The following GNB4 variants were observed in gnomAD, a reference collection of about 807,000 sequenced individuals.
GNB4 encodes the protein G protein subunit beta 4.
Under a neutral mutation model 45.2 loss-of-function variants are expected in GNB4, and 28 were observed. That is an observed-to-expected ratio of 0.62 (90% confidence interval 0.46 to 0.85). The LOEUF is 0.85. GNB4 is among the 40% of genes least tolerant of loss of function. GNB4 has a pLI of 0.00. For missense variants in GNB4, 321 were observed against 425.4 expected, an observed-to-expected ratio of 0.75 and a Z score of 2.16; for synonymous variants, 132 against 143.7, an observed-to-expected ratio of 0.92 and a Z score of 0.58.
At chr3:179,491,739 C>G in the GNB4 span, among the ~76,000 whole-genome samples, 1 of 152,130 alleles carries the variant, frequency 6.6e-6, no homozygotes, top group East Asian at 1.9e-4. Context: ...AAGATTTTAC[C>G]AAGCTATTTT....
At chr3:179,418,322 T>C (rs573205698) in intron 4 of GNB4, among the ~76,000 whole-genome samples, 1 of 151,624 alleles carries the variant, frequency 6.6e-6, no homozygotes, top group South Asian at 2.1e-4. Flanking sequence ...ATACAAAAAT[T>C]AGTCAGGCGT....
chr3:179,492,181 C>T, the GNB4 span, among the ~76,000 whole-genome samples: 1 of 152,204 alleles, frequency 6.6e-6, no homozygotes, highest in African/African-American at 2.4e-5. Context: ...CAAGAAAACT[C>T]TAGCAGCCCT....
chr3:179,517,677 C>T, the GNB4 span, among the ~76,000 whole-genome samples: 1 of 115,256 alleles, frequency 8.7e-6, no homozygotes, highest in Non-Finnish European at 1.8e-5. Flanking sequence ...TGCTATCCCT[C>T]AACCTCTTTC....
At chr3:179,504,809 T>C in the GNB4 span, among the ~76,000 whole-genome samples, 1 of 152,130 alleles carries the variant, frequency 6.6e-6, no homozygotes, top group East Asian at 1.9e-4. Context: ...TCTTAAGGCA[T>C]CTTCATTCTA....
intron 6 of GNB4, among the ~76,000 whole-genome samples, chr3:179,414,592 T>A (rs1354122672): frequency 6.6e-6 from 1 of 152,242 alleles, no homozygotes; most frequent in African/African-American, 2.4e-5. Context: ...AATTGTTATA[T>A]GGCAGCAGAA....
At chr3:179,476,941 T>C in the GNB4 span, among the ~76,000 whole-genome samples, 2 of 152,300 alleles carry the variant, frequency 1.3e-5, no homozygotes, top group Non-Finnish European at 2.9e-5. Flanking sequence ...CTTAAGTCTT[T>C]TCTACTCCCT....
At chr3:179,526,464 C>T in the GNB4 span, among the ~76,000 whole-genome samples, 1 of 152,186 alleles carries the variant, frequency 6.6e-6, no homozygotes, top group Non-Finnish European at 1.5e-5. Context: ...ACATACTGCA[C>T]TTCAATTTGC....
the GNB4 span, among the ~76,000 whole-genome samples, chr3:179,520,771 C>T: frequency 6.6e-6 from 1 of 152,138 alleles, no homozygotes; most frequent in African/African-American, 2.4e-5. Flanking sequence ...CTCTCTGATC[C>T]ACCTGACATT....
chr3:179,412,996 A>G (rs1297681877), intron 8 of GNB4, among the ~76,000 whole-genome samples: 2 of 152,168 alleles, frequency 1.3e-5, no homozygotes, highest in Admixed American at 6.5e-5. Context: ...CCTGGACAAC[A>G]TGGCAAAACC....
chr3:179,436,247 A>C (rs888830332), intron 1 of GNB4, among the ~76,000 whole-genome samples: 14 of 152,070 alleles, frequency 9.2e-5, no homozygotes, highest in African/African-American at 3.4e-4. Flanking sequence ...AAAAATACAA[A>C]ATTAGCCAGG....
chr3:179,405,077 C>T (rs1714423334), intron 9 of GNB4, 113 bp downstream of exon 9: 3 of 665,776 alleles, frequency 4.5e-6, no homozygotes, highest in South Asian at 4.4e-5. Flanking sequence ...TGAGAACCAT[C>T]GGGTTACCAC....
At chr3:179,445,981 T>G (rs545746471) in intron 1 of GNB4, among the ~76,000 whole-genome samples, 2 of 152,368 alleles carry the variant, frequency 1.3e-5, no homozygotes, top group East Asian at 3.9e-4. Flanking sequence ...TTATATTATT[T>G]CAGCAAGTCA....
chr3:179,486,137 G>A, the GNB4 span, among the ~76,000 whole-genome samples: 1 of 148,324 alleles, frequency 6.7e-6, no homozygotes, highest in East Asian at 2.0e-4. Context: ...GCAGAGAACT[G>A]CTTGACGTGG....
the GNB4 span, among the ~76,000 whole-genome samples, chr3:179,499,347 G>A: frequency 6.6e-6 from 1 of 151,992 alleles, no homozygotes; most frequent in African/African-American, 2.4e-5. Flanking sequence ...TTTTAGTAGA[G>A]ACAGGGTTTC....
chr3:179,473,100 T>A, the GNB4 span, among the ~76,000 whole-genome samples: 1 of 151,996 alleles, frequency 6.6e-6, no homozygotes, highest in African/African-American at 2.4e-5. Flanking sequence ...GAGGTGGAGG[T>A]TGCAGTGAGC....
At chr3:179,457,077 A>G in the GNB4 span, among the ~76,000 whole-genome samples, 25 of 152,356 alleles carry the variant, frequency 1.6e-4, no homozygotes, top group African/African-American at 5.5e-4. Flanking sequence ...GTTGGTAGAA[A>G]TGCCCATCTC....
chr3:179,432,007 G>A (rs1212717066), intron 1 of GNB4, among the ~76,000 whole-genome samples: 1 of 152,024 alleles, frequency 6.6e-6, no homozygotes, highest in Non-Finnish European at 1.5e-5. Flanking sequence ...ACTCCACATT[G>A]CACCATCACT....
At chr3:179,501,617 G>A in the GNB4 span, among the ~76,000 whole-genome samples, 2 of 151,944 alleles carry the variant, frequency 1.3e-5, no homozygotes, top group Non-Finnish European at 2.9e-5. Flanking sequence ...GAGCCACCAT[G>A]TCTGGTCCCA....
the GNB4 span, among the ~76,000 whole-genome samples, chr3:179,493,932 G>T: frequency 6.6e-6 from 1 of 152,132 alleles, no homozygotes; most frequent in African/African-American, 2.4e-5. Context: ...CCTACAAGAG[G>T]TCCAAGTAAT....
Sources: gnomAD v4.1 joint callset for allele counts (sites outside exome capture counted in the v4.1 genomes callset) on GRCh38, gnomAD v4.1.1 for gene constraint, MANE v1.5 for transcripts, NCBI Gene and HGNC (gene_info 2026-07-23, HGNC 2026-07-21) for gene names.